The following TDRD9 variants were observed in gnomAD, a reference collection of about 807,000 sequenced individuals.
The protein encoded by TDRD9 is ATP-dependent RNA helicase TDRD9.
In TDRD9, 124 loss-of-function variants were observed where a neutral mutation model predicts 172.6. The ratio of observed to expected loss-of-function variants is 0.72; its 90% CI spans 0.62 to 0.83. The LOEUF is 0.83. Among genes scored for constraint, TDRD9 ranks in the 40% least tolerant of loss-of-function variants. The pLI is 0.00. For synonymous variants in TDRD9, 619 were observed against 617.1 expected, an observed-to-expected ratio of 1.00 and a Z score of -0.05; for missense variants, 1,479 against 1,714.1, an observed-to-expected ratio of 0.86 and a Z score of 2.42.
At chr14:103,978,291 C>G (rs1052237403) in intron 7 of TDRD9, among the ~76,000 whole-genome samples, 1 of 151,876 alleles carries the variant, frequency 6.6e-6, no homozygotes, top group African/African-American at 2.4e-5. Flanking sequence ...TAAATTCTTC[C>G]AATTCATGGC....
At chr14:104,036,929 C>G (rs2035467137) in intron 32 of TDRD9, among the ~76,000 whole-genome samples, 1 of 152,116 alleles carries the variant, frequency 6.6e-6, no homozygotes, top group Non-Finnish European at 1.5e-5. Context: ...TTCCTCCAAA[C>G]TCTGCCTGCC....
At chr14:103,969,818 G>A (rs1334032437) in intron 5 of TDRD9, among the ~76,000 whole-genome samples, 1 of 151,130 alleles carries the variant, frequency 6.6e-6, no homozygotes, top group Non-Finnish European at 1.5e-5. Context: ...TGGTTCTGGG[G>A]TGGGGCGGGG....
intron 29 of TDRD9, 40 bp from the exon 30 acceptor site, chr14:104,031,977 C>T: frequency 7.2e-7 from 1 of 1,390,294 alleles, no homozygotes; most frequent in Admixed American, 2.5e-5. Context: ...TAAGTGTTAT[C>T]TTGCTTATTG....
chr14:103,933,014 T>C (rs1408461124), intron 1 of TDRD9, among the ~76,000 whole-genome samples: 1 of 152,124 alleles, frequency 6.6e-6, no homozygotes, highest in African/African-American at 2.4e-5. Context: ...ATGCTGAAGG[T>C]GAGTAACACC....
At chr14:104,002,136 A>T (rs79372553) in intron 13 of TDRD9, among the ~76,000 whole-genome samples, 1 of 151,410 alleles carries the variant, frequency 6.6e-6, no homozygotes, top group Admixed American at 6.6e-5. Context: ...CTTGGGCAAC[A>T]TGGCAAAACC....
At position 103,965,322 on chromosome 14, in the gene TDRD9, T is replaced by A. The variant is rs1241403992; in HGVS notation, c.421-11T>A. 6.5e-7 allele frequency: 1 copy of A among 1,549,968 alleles called. No individual in the cohort carries two copies. The highest frequency in any genetic ancestry group is 8.7e-7 in the Non-Finnish European group (1 of 1,145,638). On this transcript the variant is annotated splice_polypyrimidine_tract_variant and intron_variant, in intron 3 of 35. Coordinates refer to ENST00000409874, the MANE Select transcript of TDRD9 (RefSeq NM_153046.3). ...TTGTGCTGATTTTGAAAGAATTTTT[T>A]AAATTTCTAGGTTGTGTCTTTGATA...
intron 34 of TDRD9, among the ~76,000 whole-genome samples, chr14:104,044,367 A>T (rs1187548267): frequency 1.3e-5 from 2 of 152,204 alleles, no homozygotes; most frequent in African/African-American, 4.8e-5. Context: ...TACTAAAACT[A>T]ATCAATTATG....
intron 7 of TDRD9, among the ~76,000 whole-genome samples, 176 bp downstream of exon 7, chr14:103,975,729 G>T (rs1251199443): frequency 6.6e-6 from 1 of 152,190 alleles, no homozygotes; most frequent in African/African-American, 2.4e-5. Flanking sequence ...TAGGTATAAT[G>T]TGTCATGATC....
At chr14:104,019,481 G>A (rs1187646064) in intron 23 of TDRD9, among the ~76,000 whole-genome samples, 1 of 152,114 alleles carries the variant, frequency 6.6e-6, no homozygotes, top group Non-Finnish European at 1.5e-5. Context: ...TTTTATAGGT[G>A]TTTATATCTT....
intron 1 of TDRD9, among the ~76,000 whole-genome samples, chr14:103,939,290 A>G (rs1288524413): frequency 6.6e-6 from 1 of 152,140 alleles, no homozygotes; most frequent in Non-Finnish European, 1.5e-5. Context: ...TACAAACTTC[A>G]CGTTCTCCTT....
At position 103,994,386 on chromosome 14, in the gene TDRD9, G is replaced by A; in HGVS notation, c.1235G>A (p.Arg412Lys). 6.2e-7 allele frequency: 1 copy of A among 1,613,400 alleles called. No homozygotes were observed. The highest frequency in any genetic ancestry group is 1.3e-5 in the African/African-American group (1 of 75,002). The change falls in exon 10 of 36, where the codon AGG (arginine) becomes AAG (lysine). Residue 412 changes from arginine to lysine, a missense_variant and splice_region_variant. Arg to Lys is a conservative substitution (Grantham distance 26). Transcript: ENST00000409874. ...HELLTSLVHKRLQVYPLHSSV... is the reference protein window; with the variant it reads ...HELLTSLVHKKLQVYPLHSSV... ...CTTCTCACAAGCCTGGTTCATAAAA[G>A]GTATGTTGAAAATGATACAGCTGTA...
chr14:104,049,944 G>A (rs1426207286), intron 35 of TDRD9: 1 of 422,960 alleles, frequency 2.4e-6, no homozygotes, highest in Admixed American at 3.9e-5. Context: ...AAAGGTATGA[G>A]GGTCTGGATT....
intron 1 of TDRD9, among the ~76,000 whole-genome samples, chr14:103,938,735 C>T (rs1480475431): frequency 6.6e-6 from 1 of 151,958 alleles, no homozygotes. Context: ...CCGTGCCCGG[C>T]CCCCCTTTAT....
At chr14:104,041,986 T>C in intron 33 of TDRD9, 83 bp from the exon 34 acceptor site, 2 of 947,878 alleles carry the variant, frequency 2.1e-6, no homozygotes, top group Admixed American at 3.8e-5. Flanking sequence ...GAATACTAAC[T>C]CTGAATGCTA....
chr14:103,976,599 A>G lies in TDRD9; in HGVS notation c.1011+1046A>G, dbSNP rs866719591. Among the ~76,000 whole-genome samples, 3 of 152,042 alleles carry G rather than the reference A, an allele frequency of 2.0e-5. No homozygotes were observed. In the South Asian group the frequency reaches 6.2e-4, roughly 31 times the overall value. On this transcript the variant is annotated intron_variant, in intron 7 of 35. Transcript: ENST00000409874. ...CTTAATGTACACCTAGGTTGATTCC[A>G]TATCTTGGCTATGGTGAATAATGCT...
intron 23 of TDRD9, among the ~76,000 whole-genome samples, chr14:104,021,921 A>T (rs1412740517): frequency 6.6e-6 from 1 of 152,210 alleles, no homozygotes; most frequent in Non-Finnish European, 1.5e-5. Context: ...GCATTATATT[A>T]TACAAGGATG....
At chr14:104,048,342 G>A (rs1412268198) in intron 34 of TDRD9, among the ~76,000 whole-genome samples, 2 of 152,150 alleles carry the variant, frequency 1.3e-5, no homozygotes, top group South Asian at 2.1e-4. Context: ...GGGCTCTGGC[G>A]ATCCTCCTGC....
rs769364656 is a variant in TDRD9 at position 103,965,316 on chromosome 14, A to AT, written c.421-11dup. On this transcript the variant is annotated splice_polypyrimidine_tract_variant and intron_variant, in intron 3 of 35. Coordinates refer to ENST00000409874, the MANE Select transcript of TDRD9 (RefSeq NM_153046.3). The stretch of plus-strand genomic sequence containing the variant: ...GCCATTTTGTGCTGATTTTGAAAGA[A>AT]TTTTTTAAATTTCTAGGTTGTGTCT... The AT allele has an allele frequency of 2.6e-6, 4 of 1,549,532 alleles. No individual in the cohort carries two copies. The highest frequency in any genetic ancestry group is 3.5e-6 in the Non-Finnish European group (4 of 1,145,348).
chr14:104,026,156 A>G lies in TDRD9; in HGVS notation c.3021+20A>G, dbSNP rs754314362. On this transcript the variant is annotated intron_variant, in intron 27 of 35. Coordinates refer to ENST00000409874, the MANE Select transcript of TDRD9 (RefSeq NM_153046.3). ...TTCCAGGTAAGGTAGAGAAGACTCT[A>G]GGGAATGAATGCTGCATGCTGGACA... 26 of 1,490,510 alleles carry G rather than the reference A, an allele frequency of 1.7e-5. No homozygotes were observed. The South Asian group carries it at 2.8e-4, about 16-fold the overall frequency. 92.3% of individuals were successfully genotyped at this position (1,490,510 alleles called of 1,614,324 possible). A position where few individuals can be genotyped will look rare whatever the true frequency, so the allele number is the denominator to read the frequency against.
Sources: gnomAD v4.1 joint callset for allele counts (sites outside exome capture counted in the v4.1 genomes callset) on GRCh38, gnomAD v4.1.1 for gene constraint, MANE v1.5 for transcripts, NCBI Gene and HGNC (gene_info 2026-07-23, HGNC 2026-07-21) for gene names.